Variants in STARD13 observed in about 807,000 individuals in gnomAD.
The protein encoded by STARD13 is StAR related lipid transfer domain containing 13.
In STARD13, 62 loss-of-function variants were observed where a neutral mutation model predicts 106.4. That is an observed-to-expected ratio of 0.58 (90% confidence interval 0.48 to 0.72). The LOEUF (loss-of-function observed/expected upper bound fraction) is 0.72. Among genes scored for constraint, STARD13 ranks in the 30% least tolerant of loss-of-function variants. The pLI, the probability that STARD13 is intolerant of heterozygous loss-of-function variation, is 0.00. For synonymous variants in STARD13, 565 were observed against 553.0 expected, an observed-to-expected ratio of 1.02 and a Z score of -0.31; for missense variants, 1,387 against 1,424.0, an observed-to-expected ratio of 0.97 and a Z score of 0.42.
At chr13:33,393,414 C>T in the STARD13 span, among the ~76,000 whole-genome samples, 2 of 152,126 alleles carry the variant, frequency 1.3e-5, no homozygotes. Flanking sequence ...TAGTGGGCTG[C>T]GTATGGGTTA....
the STARD13 span, among the ~76,000 whole-genome samples, chr13:33,569,368 A>T: frequency 6.8e-6 from 1 of 147,832 alleles, no homozygotes; most frequent in Non-Finnish European, 1.5e-5. Flanking sequence ...ACCTTATGTA[A>T]ATTAACAAGA....
chr13:33,225,045 A>C (rs1888550060), intron 1 of STARD13, among the ~76,000 whole-genome samples: 1 of 152,226 alleles, frequency 6.6e-6, no homozygotes, highest in Non-Finnish European at 1.5e-5. Context: ...GAACTTAAAA[A>C]AAAATAACTT....
intron 7 of STARD13, among the ~76,000 whole-genome samples, chr13:33,120,896 C>T (rs1446098456): frequency 6.6e-6 from 1 of 152,124 alleles, no homozygotes; most frequent in African/African-American, 2.4e-5. Context: ...CCTGCCACCA[C>T]TTCCAGCTAC....
the STARD13 span, among the ~76,000 whole-genome samples, chr13:33,565,013 GA>G: frequency 2.8e-5 from 4 of 141,310 alleles, no homozygotes; most frequent in South Asian, 2.3e-4. Context: ...AAGAAAAAAA[GA>G]AAAAAAAATC....
the STARD13 span, among the ~76,000 whole-genome samples, chr13:33,533,220 T>C: frequency 6.6e-6 from 1 of 152,102 alleles, no homozygotes; most frequent in Non-Finnish European, 1.5e-5. Context: ...AGTAAGACCC[T>C]GGAGGATGAG....
At chr13:33,319,214 T>C (rs1439228618) in intron 1 of STARD13, among the ~76,000 whole-genome samples, 1 of 152,142 alleles carries the variant, frequency 6.6e-6, no homozygotes, top group African/African-American at 2.4e-5. Context: ...TATTCAGTAA[T>C]AAAAAGGAAT....
At chr13:33,397,597 G>A in the STARD13 span, among the ~76,000 whole-genome samples, 833 of 152,310 alleles carry the variant, frequency 5.5e-3, 6 homozygotes, top group African/African-American at 0.018. Context: ...GACAGTTTTA[G>A]TGATGAGTAT....
the STARD13 span, among the ~76,000 whole-genome samples, chr13:33,664,873 G>A: frequency 5.3e-5 from 8 of 152,158 alleles, no homozygotes; most frequent in Non-Finnish European, 1.2e-4. Flanking sequence ...TGATCCGCCC[G>A]CCTCGGCCTC....
the STARD13 span, among the ~76,000 whole-genome samples, chr13:33,648,044 GA>G: frequency 3.3e-5 from 5 of 152,272 alleles, no homozygotes; most frequent in Non-Finnish European, 7.4e-5. Flanking sequence ...CATCCTTGGA[GA>G]AATGAAATAA....
chr13:33,652,323 A>G, the STARD13 span, among the ~76,000 whole-genome samples: 4 of 152,222 alleles, frequency 2.6e-5, no homozygotes, highest in Admixed American at 2.6e-4. Flanking sequence ...TTAACTTAAC[A>G]CTAAGTTTAA....
At chr13:33,203,703 G>T (rs1413047260) in intron 1 of STARD13, among the ~76,000 whole-genome samples, 1 of 152,154 alleles carries the variant, frequency 6.6e-6, no homozygotes, top group Non-Finnish European at 1.5e-5. Flanking sequence ...AAAAAAAATA[G>T]ATGCAAATAC....
At chr13:33,216,828 A>G (rs988010408) in intron 1 of STARD13, among the ~76,000 whole-genome samples, 2 of 152,186 alleles carry the variant, frequency 1.3e-5, no homozygotes, top group African/African-American at 4.8e-5. Flanking sequence ...TCTAAGAAGA[A>G]TGTGTGTTTG....
chr13:33,517,496 C>T, the STARD13 span, among the ~76,000 whole-genome samples: 1 of 152,134 alleles, frequency 6.6e-6, no homozygotes, highest in Non-Finnish European at 1.5e-5. Context: ...ACAGATGTTC[C>T]TACTGGCCCT....
chr13:33,338,208 T>A (rs1486610220), intron 1 of STARD13, among the ~76,000 whole-genome samples: 4 of 152,194 alleles, frequency 2.6e-5, no homozygotes. Flanking sequence ...TTCTCTCAAC[T>A]ATCAGACCAA....
chr13:33,285,343 GGGTAGTGT>G (rs1566118447), intron 1 of STARD13, 119 bp downstream of exon 1: 1 of 999,126 alleles, frequency 1.0e-6, no homozygotes, highest in East Asian at 2.5e-5. Context: ...TCAAAGTTAC[GGGTAGTGT>G]GGCATAGAAA....
the STARD13 span, among the ~76,000 whole-genome samples, chr13:33,629,014 C>T: frequency 1.3e-5 from 2 of 152,310 alleles, no homozygotes; most frequent in South Asian, 2.1e-4. Context: ...AAGAGGGTCG[C>T]CAGCAGCTTC....
At chr13:33,673,247 C>T in the STARD13 span, among the ~76,000 whole-genome samples, 1 of 152,124 alleles carries the variant, frequency 6.6e-6, no homozygotes, top group Non-Finnish European at 1.5e-5. Context: ...TTAGAGGTTT[C>T]CCAATATTAT....
the STARD13 span, among the ~76,000 whole-genome samples, chr13:33,492,452 A>G: frequency 6.6e-6 from 1 of 152,314 alleles, no homozygotes; most frequent in African/African-American, 2.4e-5. Context: ...AAGGCATTCT[A>G]AGTCACAGAA....
At chr13:33,588,549 T>C in the STARD13 span, among the ~76,000 whole-genome samples, 3 of 152,210 alleles carry the variant, frequency 2.0e-5, no homozygotes, top group African/African-American at 7.2e-5. Context: ...ACTGGTTTTC[T>C]CCTTCAGGAT....
Sources: gnomAD v4.1 joint callset for allele counts (sites outside exome capture counted in the v4.1 genomes callset) on GRCh38, gnomAD v4.1.1 for gene constraint, MANE v1.5 for transcripts, NCBI Gene and HGNC (gene_info 2026-07-23, HGNC 2026-07-21) for gene names.